Variants in PHLDB2 observed in about 807,000 individuals in gnomAD.
The protein encoded by PHLDB2 is pleckstrin homology like domain family B member 2.
In PHLDB2, 71 loss-of-function variants were observed where a neutral mutation model predicts 123.6. That is an observed-to-expected ratio of 0.57 (90% CI 0.47 to 0.70). The LOEUF is 0.70. PHLDB2 is among the 30% of genes least tolerant of loss of function. The probability of loss-of-function intolerance (pLI) is 0.00; values close to 1 mark genes in which losing one functional copy is unlikely to be tolerated. For synonymous variants in PHLDB2, 547 were observed against 541.6 expected, an observed-to-expected ratio of 1.01 and a Z score of -0.14; for missense variants, 1,446 against 1,519.5, an observed-to-expected ratio of 0.95 and a Z score of 0.80.
At chr3:111,860,457 C>T (rs575317304) in intron 1 of PHLDB2, among the ~76,000 whole-genome samples, 4 of 152,220 alleles carry the variant, frequency 2.6e-5, no homozygotes, top group Non-Finnish European at 5.9e-5. Flanking sequence ...CAGCTCCCTG[C>T]GCGGCGGAGG....
At chr3:111,819,530 G>C (rs535244861) in intron 1 of PHLDB2, among the ~76,000 whole-genome samples, 50 of 152,330 alleles carry the variant, frequency 3.3e-4, no homozygotes, top group African/African-American at 1.2e-3. Flanking sequence ...AATGAGTACA[G>C]GAGAGCTTCA....
intron 1 of PHLDB2, among the ~76,000 whole-genome samples, chr3:111,821,971 T>C (rs2062406485): frequency 1.3e-5 from 2 of 152,100 alleles, no homozygotes; most frequent in Admixed American, 1.3e-4. Flanking sequence ...CAGGCAAAAA[T>C]GTTTAGTATT....
rs535039210 is a variant in PHLDB2 at position 111,941,736 on chromosome 3, G to A, written c.2397+1091G>A. On this transcript the variant is annotated intron_variant, in intron 8 of 17. Transcript: ENST00000431670. The stretch of plus-strand genomic sequence containing the variant: ...GCAGGAGAATCACTTGAATCTGGGA[G>A]GCAGAGGTTTCAGTAAGCCAAGATC... Among the ~76,000 whole-genome samples the A allele has an allele frequency of 2.0e-5, 3 of 152,272 alleles. No homozygotes were observed. The East Asian group carries it at 5.8e-4, about 29-fold the overall frequency.
chr3:111,832,893 A>AAT (rs1337703444), intron 1 of PHLDB2, among the ~76,000 whole-genome samples: 2 of 89,780 alleles, frequency 2.2e-5, no homozygotes, highest in African/African-American at 9.6e-5. Flanking sequence ...TTATACATAT[A>AAT]ATATATATAA....
intron 6 of PHLDB2, among the ~76,000 whole-genome samples, chr3:111,937,943 A>G (rs1460174958): frequency 6.6e-6 from 1 of 152,234 alleles, no homozygotes. Context: ...ATGCAGATGC[A>G]TAAATATATT....
chr3:111,885,376 G>A lies in PHLDB2; in HGVS notation c.1299G>A (p.Arg433=), dbSNP rs577197997. Residue 433 remains arginine, a synonymous_variant, in exon 2 of 18, where the codon AGG becomes AGA. Coordinates refer to ENST00000431670, the MANE Select transcript of PHLDB2 (RefSeq NM_001134438.2). ...TGATGGATTATCACCGGCGGCAGAG[G>A]GAGGAAAGACTCAGGGAGCAGGAAA... ...DDLMDYHRRQ[R]EERLREQEME... 6.2e-7 allele frequency: 1 copy of A among 1,614,112 alleles called. No individual in the cohort carries two copies. Among genetic ancestry groups the A allele is most frequent in the Non-Finnish European group, 8.5e-7 (1 of 1,180,034 alleles).
chr3:111,818,644 G>C (rs1370987391), intron 1 of PHLDB2, among the ~76,000 whole-genome samples: 1 of 152,122 alleles, frequency 6.6e-6, no homozygotes, highest in African/African-American at 2.4e-5. Flanking sequence ...TCATGGCCTT[G>C]CTAGCTAGAG....
Position 111,962,191 on chromosome 3 carries a change from T to C in PHLDB2, c.2956T>C (p.Leu986=), listed in dbSNP as rs764681663. 1 of 1,583,252 alleles carries C rather than the reference T, an allele frequency of 6.3e-7. No homozygotes were observed. The highest frequency in any genetic ancestry group is 1.2e-5 in the South Asian group (1 of 85,274). Residue 986 remains leucine (L), a synonymous_variant, in exon 13 of 18, where the codon TTG becomes CTG. Coordinates refer to ENST00000431670, the MANE Select transcript of PHLDB2 (RefSeq NM_001134438.2). ...NRTASESNVY[L]NSFHYPDHSY... ...CACAGCATCTGAATCAAATGTCTAC[T>C]TGAATAGTTTCCATTATCCAGATCA...
intron 12 of PHLDB2, among the ~76,000 whole-genome samples, chr3:111,956,666 G>GA (rs2107649428): frequency 6.6e-6 from 1 of 152,260 alleles, no homozygotes; most frequent in South Asian, 2.1e-4. Context: ...GATGTGTTCT[G>GA]AAAAGACAGC....
intron 15 of PHLDB2, among the ~76,000 whole-genome samples, chr3:111,969,276 A>G (rs1310098335): frequency 6.6e-6 from 1 of 152,212 alleles, no homozygotes; most frequent in African/African-American, 2.4e-5. Flanking sequence ...GCTTGAGATT[A>G]CTTGAGAATG....
At chr3:111,843,296 A>G (rs1001981965) in intron 1 of PHLDB2, among the ~76,000 whole-genome samples, 10 of 152,218 alleles carry the variant, frequency 6.6e-5, no homozygotes, top group African/African-American at 2.4e-4. Flanking sequence ...GTGGGTATGA[A>G]ATGGTATCAT....
intron 16 of PHLDB2, among the ~76,000 whole-genome samples, chr3:111,973,033 G>A (rs943952434): frequency 5.3e-5 from 8 of 152,140 alleles, no homozygotes; most frequent in Non-Finnish European, 7.3e-5. Context: ...ATGCTGACAC[G>A]CACTGTGATC....
chr3:111,951,208 A>G (rs1577173884), intron 10 of PHLDB2, among the ~76,000 whole-genome samples: 1 of 152,318 alleles, frequency 6.6e-6, no homozygotes, highest in African/African-American at 2.4e-5. Context: ...AGTATGGACT[A>G]CCTGGCCATG....
At chr3:111,910,556 C>T (rs560926309) in intron 2 of PHLDB2, among the ~76,000 whole-genome samples, 15 of 152,238 alleles carry the variant, frequency 9.9e-5, no homozygotes, top group African/African-American at 3.6e-4. Flanking sequence ...CAGGACCAAC[C>T]CCAGTTTGCA....
At position 111,919,308 on chromosome 3, in the gene PHLDB2, A is replaced by G; in HGVS notation, c.1863+93A>G. 4 of 1,306,648 alleles carry G rather than the reference A, an allele frequency of 3.1e-6. No individual in the cohort carries two copies. The South Asian group carries it at 5.1e-5, about 17-fold the overall frequency. The allele number at this position is 1,306,648 out of a possible 1,614,324, so 80.9% of individuals were successfully genotyped here. On this transcript the variant is annotated intron_variant, in intron 4 of 17. Transcript: ENST00000431670. ...GGAATAGGCTTTGGAGGCCAGATAC[A>G]TAGACGTCAACACAAGCAAACATTT...
At chr3:111,765,853 C>T (rs1342516251) in intron 1 of PHLDB2, among the ~76,000 whole-genome samples, 1 of 151,898 alleles carries the variant, frequency 6.6e-6, no homozygotes, top group African/African-American at 2.4e-5. Context: ...TGTAGATTTA[C>T]TTTAACATTT....
In PHLDB2 at chr3:111,780,399, A is replaced by AGAAGAAGAAGAGGAAGAAG. The variant is rs1576575679; in HGVS notation, c.-49+47707_-49+47708insGGAAGAAGGAAGAAGAAGA. Among the ~76,000 whole-genome samples the AGAAGAAGAAGAGGAAGAAG allele has an allele frequency of 1.1e-4, 8 of 74,364 alleles. 3 individuals are homozygous for AGAAGAAGAAGAGGAAGAAG. The highest frequency in any genetic ancestry group is 2.3e-4 in the Non-Finnish European group (8 of 34,326). The allele number at this position is 74,364 out of a possible 152,430, so 48.8% of individuals were successfully genotyped here. On this transcript the variant is annotated intron_variant, in intron 1 of 17. Coordinates refer to the PHLDB2 transcript ENST00000393923. ...AAGAAGAAGAAGAAGAAGAAGAAGAAGAAGAAGAAGAAAAAGATTAGTTCG... is the reference window on the plus strand; with the variant it reads ...AAGAAGAAGAAGAAGAAGAAGAAGAAGAAGAAGAAGAGGAAGAAGGAAGAAGAAGAAAAAGATTAGTTCG...
In PHLDB2 at chr3:111,942,942, C is replaced by T. The variant is rs2070009427; in HGVS notation, c.2397+2297C>T. Reference sequence around the variant, plus strand: ...TGATCAGTTGATGAAAATATTGTGACTAGAGGCTTGCAGGAACCCAACCCT... The same window carrying T: ...TGATCAGTTGATGAAAATATTGTGATTAGAGGCTTGCAGGAACCCAACCCT... On this transcript the variant is annotated intron_variant, in intron 8 of 17. Transcript: ENST00000431670. Among the ~76,000 whole-genome samples, 5 of 152,076 alleles carry T rather than the reference C, an allele frequency of 3.3e-5. No individual in the cohort carries two copies. In the South Asian group the frequency reaches 1.0e-3, roughly 32 times the overall value.
At chr3:111,952,837 A>G (rs2070797544) in intron 11 of PHLDB2, 125 bp downstream of exon 11, 1 of 1,156,850 alleles carries the variant, frequency 8.6e-7, no homozygotes, top group Non-Finnish European at 1.2e-6. Context: ...CTTGTTAGGC[A>G]GACATCAGGA....
Sources: allele counts gnomAD v4.1 joint callset (sites outside exome capture counted in the v4.1 genomes callset), GRCh38; gene constraint gnomAD v4.1.1; transcripts MANE v1.5; gene names NCBI Gene and HGNC (gene_info 2026-07-23, HGNC 2026-07-21).